The following CACNB2 variants were observed in gnomAD, a reference collection of about 807,000 sequenced individuals.
The protein encoded by CACNB2 is calcium voltage-gated channel auxiliary subunit beta 2.
CACNB2 carries 42 observed loss-of-function variants against 73.3 expected under a neutral mutation model. The observed-to-expected ratio is 0.57, with a 90% CI of 0.45 to 0.74. CACNB2 has a LOEUF of 0.74. Ranked by LOEUF, CACNB2 falls within the 30% of genes least tolerant of loss-of-function variation. The pLI is 0.00. For synonymous variants in CACNB2, 348 were observed against 310.3 expected, an observed-to-expected ratio of 1.12 and a Z score of -1.28; for missense variants, 940 against 853.0, an observed-to-expected ratio of 1.10 and a Z score of -1.27.
rs752349583 is a variant in CACNB2, at chr10:18,539,441, A to G, written c.1700A>G (p.Tyr567Cys). The G allele has an allele frequency of 1.4e-5, 23 of 1,614,064 alleles. No individual in the cohort carries two copies. The highest frequency in any genetic ancestry group is 1.8e-5 in the Non-Finnish European group (21 of 1,180,000). Residue 567 changes from tyrosine (Y) to cysteine (C), a missense_variant, in exon 14 of 14, where the codon TAC (tyrosine) becomes TGC (cysteine). Coordinates refer to ENST00000324631, the MANE Select transcript of CACNB2 (RefSeq NM_201596.3). ...ACCCAGGAGAGTCGAGACTCTGCCT[A>G]CGTAGAGCCAAAGGAAGATTATTCC... ...SETQESRDSA[Y>C]VEPKEDYSHD...
rs979852372 is a variant in CACNB2, at chr10:18,464,424, A to T, written c.334-33931A>T. Among the ~76,000 whole-genome samples, 250 of 132,726 alleles carry T rather than the reference A, an allele frequency of 1.9e-3. 8 individuals carry two copies. Among genetic ancestry groups the T allele is most frequent in the Non-Finnish European group, 2.7e-3 (183 of 66,842 alleles). The allele number at this position is 132,726 out of a possible 152,430, so 87.1% of individuals were successfully genotyped here. The stretch of plus-strand genomic sequence containing the variant: ...GAGACCCTGTCTCAAAAATTAAAAA[A>T]AAAAAAAAAAAAAAAAGAATTTGGC... On this transcript the variant is annotated intron_variant, in intron 3 of 13. Coordinates refer to ENST00000324631, the MANE Select transcript of CACNB2 (RefSeq NM_201596.3).
intron 2 of CACNB2, among the ~76,000 whole-genome samples, chr10:18,236,192 A>T (rs1161483168): frequency 6.6e-6 from 1 of 152,130 alleles, no homozygotes; most frequent in African/African-American, 2.4e-5. Flanking sequence ...CTGTGGCTCC[A>T]GTGTGACTGC....
At chr10:18,200,946 C>T (rs1220705252) in intron 2 of CACNB2, among the ~76,000 whole-genome samples, 1 of 152,104 alleles carries the variant, frequency 6.6e-6, no homozygotes, top group Non-Finnish European at 1.5e-5. Flanking sequence ...TTGAAATTTA[C>T]CTCCATGACA....
At chr10:18,376,328 G>C (rs1348562505) in intron 2 of CACNB2, among the ~76,000 whole-genome samples, 1 of 152,144 alleles carries the variant, frequency 6.6e-6, no homozygotes, top group African/African-American at 2.4e-5. Flanking sequence ...ATAGAGAGTA[G>C]AAGCATGTAC....
At position 18,296,684 on chromosome 10, in the gene CACNB2, G is replaced by A. The variant is rs79324060; in HGVS notation, c.214-105240G>A. ...TAAAAATCAAAGTTCAAACTTACAG[G>A]GTACTTAGAGATTTAAAAGGGAACA... On this transcript the variant is annotated intron_variant, in intron 2 of 13. Coordinates refer to ENST00000324631, the MANE Select transcript of CACNB2 (RefSeq NM_201596.3). 8.7e-4 allele frequency among the ~76,000 whole-genome samples: 133 copies of A among 152,170 alleles called. 3 individuals are homozygous for A. The East Asian group carries it at 0.023, about 26-fold the overall frequency.
intron 2 of CACNB2, among the ~76,000 whole-genome samples, chr10:18,212,961 A>G (rs538119378): frequency 6.6e-6 from 1 of 152,324 alleles, no homozygotes; most frequent in East Asian, 1.9e-4. Context: ...GCCTTTGAGC[A>G]CTGGTTTAAG....
chr10:18,260,463 CTG>C lies in CACNB2; in HGVS notation c.213+109491_213+109492del, dbSNP rs900511467. The C allele has an allele frequency of 5.5e-5, 54 of 985,450 alleles. 1 individual carries two copies. In the African/African-American group the frequency reaches 8.4e-4, roughly 15 times the overall value. 61.0% of individuals were successfully genotyped at this position (985,450 alleles called of 1,614,324 possible). A position where few individuals can be genotyped will look rare whatever the true frequency, so the allele number is the denominator to read the frequency against. ...ACATTTGCCAGCGAGCACCAAACAA[CTG>C]TGCGCCGCAGTGCTTGAGCGAGTCA... On this transcript the variant is annotated intron_variant, in intron 2 of 13. Coordinates refer to ENST00000324631, the MANE Select transcript of CACNB2 (RefSeq NM_201596.3).
At chr10:18,210,002 C>G (rs184928608) in intron 2 of CACNB2, among the ~76,000 whole-genome samples, 54 of 152,138 alleles carry the variant, frequency 3.5e-4, no homozygotes, top group Admixed American at 3.3e-4. Flanking sequence ...ACTACTGGGC[C>G]CTTAAGACTA....
chr10:18,488,786 G>GA (rs2049227605), intron 3 of CACNB2, among the ~76,000 whole-genome samples: 2 of 151,992 alleles, frequency 1.3e-5, no homozygotes, highest in South Asian at 4.1e-4. Flanking sequence ...CCCTTTAAAT[G>GA]AAAAGCACTC....
At chr10:18,182,682 C>G (rs766856641) in intron 2 of CACNB2, among the ~76,000 whole-genome samples, 8 of 151,652 alleles carry the variant, frequency 5.3e-5, no homozygotes, top group Non-Finnish European at 1.0e-4. Flanking sequence ...ATTAGCCAGG[C>G]GTGGTGGCGT....
At chr10:18,230,335 A>G (rs2036176833) in intron 2 of CACNB2, among the ~76,000 whole-genome samples, 1 of 152,244 alleles carries the variant, frequency 6.6e-6, no homozygotes. Flanking sequence ...CCTCTCTTCT[A>G]CAGAAAACTT....
At chr10:18,530,084 T>C (rs1455416083) in intron 10 of CACNB2, among the ~76,000 whole-genome samples, 2 of 152,158 alleles carry the variant, frequency 1.3e-5, no homozygotes, top group African/African-American at 4.8e-5. Context: ...GAGAACTACA[T>C]GGGAAAGACC....
chr10:18,154,494 G>T (rs113461617), intron 2 of CACNB2, among the ~76,000 whole-genome samples: 2,621 of 151,976 alleles, frequency 0.017, 88 homozygotes, highest in East Asian at 0.16. Context: ...TTGAGGTGGA[G>T]TCTCACTCTG....
chr10:18,456,656 A>C (rs2047298692), intron 3 of CACNB2, among the ~76,000 whole-genome samples: 1 of 152,056 alleles, frequency 6.6e-6, no homozygotes, highest in African/African-American at 2.4e-5. Flanking sequence ...ATCACTTTCC[A>C]TTCCTCCAGG....
intron 2 of CACNB2, among the ~76,000 whole-genome samples, chr10:18,387,821 A>G (rs545101334): frequency 2.6e-5 from 4 of 151,876 alleles, no homozygotes; most frequent in Middle Eastern, 3.4e-3. Flanking sequence ...CAGTGGTACA[A>G]TCAAGGCTTA....
chr10:18,498,299 G>T, intron 3 of CACNB2, 56 bp from the exon 4 acceptor site: 2 of 1,605,334 alleles, frequency 1.2e-6, no homozygotes, highest in South Asian at 1.1e-5. Flanking sequence ...GAGGGAAAAA[G>T]GAGGGACAGT....
At chr10:18,357,637 A>C (rs779107336) in intron 2 of CACNB2, among the ~76,000 whole-genome samples, 2 of 152,248 alleles carry the variant, frequency 1.3e-5, no homozygotes, top group Non-Finnish European at 2.9e-5. Context: ...ATGCGAAAAG[A>C]CTTGTACTCA....
intron 2 of CACNB2, among the ~76,000 whole-genome samples, chr10:18,286,445 C>G (rs1031222116): frequency 3.0e-5 from 4 of 135,590 alleles, no homozygotes; most frequent in Admixed American, 2.6e-4. Flanking sequence ...GTGAACCCTG[C>G]AGGTGGAGCT....
intron 3 of CACNB2, among the ~76,000 whole-genome samples, chr10:18,429,236 A>C (rs2045756532): frequency 2.0e-5 from 3 of 152,276 alleles, no homozygotes; most frequent in Non-Finnish European, 4.4e-5. Context: ...TTGGCTTCTG[A>C]CTGTTGAGGA....
Sources: gnomAD v4.1 joint callset for allele counts (sites outside exome capture counted in the v4.1 genomes callset) on GRCh38, gnomAD v4.1.1 for gene constraint, MANE v1.5 for transcripts, NCBI Gene and HGNC (gene_info 2026-07-23, HGNC 2026-07-21) for gene names.